Variants in NHERF1 observed in about 807,000 individuals in gnomAD.
NHERF1 encodes NHERF family PDZ scaffold protein 1.
chr17:74,748,817 A>T, the NHERF1 span: 1 of 1,567,292 alleles, frequency 6.4e-7, no homozygotes, highest in Non-Finnish European at 8.6e-7. This position sits in a 1 kb window ranked among gnomAD's most constrained non-coding sequence, Gnocchi z 4.3. Context: ...CGGAACCCCA[A>T]GTCGCGCCGC....
the NHERF1 span, chr17:74,762,033 T>C: frequency 7.4e-5 from 120 of 1,613,974 alleles, no homozygotes; most frequent in Non-Finnish European, 9.2e-5. This position sits in a 1 kb window ranked among gnomAD's most constrained non-coding sequence, Gnocchi z 4.2. Flanking sequence ...GCCTCGGCTC[T>C]GTACCATGAA....
At chr17:74,749,207 G>A in the NHERF1 span, 6 of 1,525,406 alleles carry the variant, frequency 3.9e-6, no homozygotes, top group South Asian at 3.6e-5. The surrounding 1 kb of genome is among the most constrained non-coding windows in gnomAD (Gnocchi z 5.6). Flanking sequence ...GGGGCAGGCC[G>A]AGCCGCCGGC....
the NHERF1 span, chr17:74,768,690 G>A: frequency 2.9e-5 from 47 of 1,601,138 alleles, no homozygotes; most frequent in Admixed American, 3.2e-4. Flanking sequence ...TGGCAGGGCC[G>A]AGCCAGCATT....
At chr17:74,762,409 C>G in the NHERF1 span, among the ~76,000 whole-genome samples, 4 of 152,118 alleles carry the variant, frequency 2.6e-5, no homozygotes, top group Non-Finnish European at 5.9e-5. This position sits in a 1 kb window ranked among gnomAD's most constrained non-coding sequence, Gnocchi z 4.2. Flanking sequence ...CTGGACTCCT[C>G]CTTGCCAAGC....
chr17:74,768,925 T>G, the NHERF1 span: 1 of 492,326 alleles, frequency 2.0e-6, no homozygotes, highest in South Asian at 2.1e-5. Context: ...CCACCCTGCC[T>G]GGGACATCGC....
chr17:74,762,027 C>T, the NHERF1 span: 15 of 1,614,074 alleles, frequency 9.3e-6, no homozygotes, highest in South Asian at 1.5e-4. The surrounding 1 kb of genome is among the most constrained non-coding windows in gnomAD (Gnocchi z 4.2). Context: ...GCTTCGGCCT[C>T]GGCTCTGTAC....
chr17:74,756,784 A>C, the NHERF1 span, among the ~76,000 whole-genome samples: 1 of 152,182 alleles, frequency 6.6e-6, no homozygotes, highest in Non-Finnish European at 1.5e-5. Flanking sequence ...CTTTCCTTTT[A>C]GGACTATAAT....
the NHERF1 span, chr17:74,762,286 C>T: frequency 1.1e-6 from 1 of 946,288 alleles, no homozygotes; most frequent in South Asian, 1.3e-5. The surrounding 1 kb of genome is among the most constrained non-coding windows in gnomAD (Gnocchi z 4.2). Context: ...GCATAGCCAA[C>T]CTGGAGCTGC....
At chr17:74,748,957 G>A in the NHERF1 span, 31 of 1,606,720 alleles carry the variant, frequency 1.9e-5, no homozygotes, top group African/African-American at 3.6e-4. The surrounding 1 kb of genome is among the most constrained non-coding windows in gnomAD (Gnocchi z 4.3). Flanking sequence ...AGTTGGGCCA[G>A]TACATCCGGC....
At chr17:74,753,450 G>T in the NHERF1 span, among the ~76,000 whole-genome samples, 7 of 152,302 alleles carry the variant, frequency 4.6e-5, 2 homozygotes, top group Admixed American at 4.6e-4. Flanking sequence ...GAGCTGCTGG[G>T]TGTTTGGATT....
the NHERF1 span, among the ~76,000 whole-genome samples, chr17:74,757,130 C>T: frequency 6.4e-4 from 98 of 152,242 alleles, no homozygotes; most frequent in African/African-American, 2.0e-3. Context: ...CTCTTGCCCC[C>T]GTGGGTCTCC....
At chr17:74,762,236 G>T in the NHERF1 span, 7 of 1,585,790 alleles carry the variant, frequency 4.4e-6, no homozygotes, top group Non-Finnish European at 6.0e-6. The surrounding 1 kb of genome is among the most constrained non-coding windows in gnomAD (Gnocchi z 4.2). Context: ...GCAGCACCTG[G>T]GGCAGCCATC....
At chr17:74,767,417 C>T in the NHERF1 span, among the ~76,000 whole-genome samples, 2 of 152,134 alleles carry the variant, frequency 1.3e-5, no homozygotes, top group East Asian at 1.9e-4. Context: ...TGGGGCTGGG[C>T]GCCAGCTGAA....
chr17:74,762,660 C>A, the NHERF1 span, among the ~76,000 whole-genome samples: 1 of 151,958 alleles, frequency 6.6e-6, no homozygotes, highest in African/African-American at 2.4e-5. This position sits in a 1 kb window ranked among gnomAD's most constrained non-coding sequence, Gnocchi z 4.2. Flanking sequence ...TGGGTTCAAG[C>A]GATTCTCCTG....
At chr17:74,754,431 C>G in the NHERF1 span, among the ~76,000 whole-genome samples, 2 of 118,474 alleles carry the variant, frequency 1.7e-5, no homozygotes, top group Admixed American at 2.1e-4. Flanking sequence ...CTGAGACAGT[C>G]TTGCTCTGTT....
chr17:74,763,285 C>T, the NHERF1 span: 1 of 1,414,888 alleles, frequency 7.1e-7, no homozygotes, highest in Non-Finnish European at 9.7e-7. Context: ...AAGGTGGTCA[C>T]CCCTGCCCCC....
At chr17:74,761,013 G>A in the NHERF1 span, among the ~76,000 whole-genome samples, 11 of 152,338 alleles carry the variant, frequency 7.2e-5, no homozygotes, top group East Asian at 3.9e-4. The surrounding 1 kb of genome is among the most constrained non-coding windows in gnomAD (Gnocchi z 4.3). Context: ...GGACTCAGGC[G>A]TAGTCCTTGG....
chr17:74,753,133 T>TGTGCTG, the NHERF1 span, among the ~76,000 whole-genome samples: 1 of 152,200 alleles, frequency 6.6e-6, no homozygotes, highest in Middle Eastern at 3.2e-3. Context: ...AGCTCTGCCG[T>TGTGCTG]GTGCTGGTTC....
the NHERF1 span, among the ~76,000 whole-genome samples, chr17:74,755,756 C>T: frequency 6.6e-6 from 1 of 152,126 alleles, no homozygotes; most frequent in African/African-American, 2.4e-5. Context: ...CCACCAGCTT[C>T]GCGAGGCTCC....
Sources: gnomAD v4.1 joint callset for allele counts (sites outside exome capture counted in the v4.1 genomes callset) on GRCh38, gnomAD v4.1.1 for gene constraint, Gnocchi (gnomAD v3.1) non-coding constraint, MANE v1.5 for transcripts, NCBI Gene and HGNC (gene_info 2026-07-23, HGNC 2026-07-21) for gene names.